The following STK32A variants were observed in gnomAD, a reference collection of about 807,000 sequenced individuals.
STK32A encodes serine/threonine-protein kinase 32A.
STK32A carries 41 observed loss-of-function variants against 53.2 expected under a neutral mutation model. The ratio of observed to expected loss-of-function variants is 0.77; its 90% CI spans 0.60 to 1.00. The LOEUF (loss-of-function observed/expected upper bound fraction) is 1.00, where lower values mean the gene tolerates loss of function less well. Among genes scored for constraint, STK32A ranks in the 50% least tolerant of loss-of-function variants. The probability of loss-of-function intolerance (pLI) is 0.00; values close to 1 mark genes in which losing one functional copy is unlikely to be tolerated. For missense variants in STK32A, 458 were observed against 485.8 expected (o/e 0.94, Z 0.54); for synonymous variants, 166 against 162.8 (o/e 1.02, Z -0.15).
intron 4 of STK32A, among the ~76,000 whole-genome samples, chr5:147,313,240 A>C (rs1753793257): frequency 6.6e-6 from 1 of 152,148 alleles, no homozygotes; most frequent in South Asian, 2.1e-4. Flanking sequence ...GTCTTAAAAA[A>C]CAAAACAAAA....
chr5:147,394,026 A>G, the STK32A span: 1 of 1,613,846 alleles, frequency 6.2e-7, no homozygotes, highest in South Asian at 1.1e-5. Flanking sequence ...CTCTTTGAGG[A>G]AGGCTTGCTT....
chr5:147,375,051 A>C (rs1757173996), intron 10 of STK32A, 39 bp from the exon 11 acceptor site: 2 of 1,563,294 alleles, frequency 1.3e-6, no homozygotes. Flanking sequence ...TCAGAATGAT[A>C]CAGTAATCTG....
Position 147,323,995 on chromosome 5 carries a change from G to A in STK32A, c.358G>A (p.Glu120Lys), listed in dbSNP as rs989134059. Residue 120 changes from glutamate to lysine, a missense_variant, in exon 5 of 13, where the codon GAA becomes AAA. By Grantham distance (56) the Glu-to-Lys change is moderately conservative. Transcript: ENST00000397936. ...CCTGCAACAGAACGTCCACTTCAAG[G>A]AAGAAACAGTGAAGCTCTTCATCTG... ...YHLQQNVHFKEETVKLFICEL... is the reference protein window; with the variant it reads ...YHLQQNVHFKKETVKLFICEL... 1.9e-6 allele frequency: 3 copies of A among 1,612,468 alleles called. No homozygotes were observed. The highest frequency in any genetic ancestry group is 3.3e-4 in the Middle Eastern group (2 of 6,060).
At chr5:147,274,291 A>C (rs533558767) in intron 2 of STK32A, among the ~76,000 whole-genome samples, 1 of 152,280 alleles carries the variant, frequency 6.6e-6, no homozygotes, top group South Asian at 2.1e-4. Context: ...ACCCTAGCCC[A>C]GCCCTGTCAG....
At chr5:147,283,731 T>C (rs916394367) in intron 4 of STK32A, among the ~76,000 whole-genome samples, 2 of 152,054 alleles carry the variant, frequency 1.3e-5, no homozygotes, top group Non-Finnish European at 2.9e-5. Flanking sequence ...ATAACTCTCC[T>C]AGCTTAAATC....
chr5:147,348,985 G>A (rs925111042), intron 6 of STK32A, among the ~76,000 whole-genome samples: 2 of 152,160 alleles, frequency 1.3e-5, no homozygotes, highest in Non-Finnish European at 2.9e-5. Flanking sequence ...TTGAAGCCAA[G>A]CAGTCTGACT....
chr5:147,330,039 T>C (rs1462086853), intron 5 of STK32A, among the ~76,000 whole-genome samples: 1 of 152,220 alleles, frequency 6.6e-6, no homozygotes, highest in Non-Finnish European at 1.5e-5. Flanking sequence ...TAGTTTTGTA[T>C]GCTGTGTAAC....
intron 5 of STK32A, among the ~76,000 whole-genome samples, chr5:147,335,824 C>T (rs1194104657): frequency 1.3e-5 from 2 of 151,944 alleles, no homozygotes; most frequent in African/African-American, 2.4e-5. Flanking sequence ...CATGCGTGCG[C>T]GTGTGTGCGC....
At chr5:147,286,612 A>G (rs62377725) in intron 4 of STK32A, among the ~76,000 whole-genome samples, 15,221 of 152,060 alleles carry the variant, frequency 0.1, 849 homozygotes, top group Admixed American at 0.14. Context: ...TCTCACTTTC[A>G]TCTTCATCCC....
intron 4 of STK32A, among the ~76,000 whole-genome samples, chr5:147,298,686 A>G (rs1752982902): frequency 2.0e-5 from 3 of 152,192 alleles, no homozygotes. Context: ...TTTTCAAGAG[A>G]AACTATATTC....
intron 4 of STK32A, among the ~76,000 whole-genome samples, chr5:147,291,928 A>T (rs1752618676): frequency 6.6e-6 from 1 of 152,196 alleles, no homozygotes; most frequent in African/African-American, 2.4e-5. Flanking sequence ...CGCATTTTTA[A>T]GTTGGCTTTG....
In STK32A at chr5:147,376,893, C is replaced by T. The variant is rs559342525; in HGVS notation, c.1032+1675C>T. ...TATGTGAACTGCAAATAGTTTCTCCCTTAGTCATTCTACGAAGCCAGCATT... is the reference window on the plus strand; with the variant it reads ...TATGTGAACTGCAAATAGTTTCTCCTTTAGTCATTCTACGAAGCCAGCATT... On this transcript the variant is annotated intron_variant, in intron 11 of 12. Coordinates refer to ENST00000397936, the MANE Select transcript of STK32A (RefSeq NM_001112724.2). Among the ~76,000 whole-genome samples, 3 of 152,214 alleles carry T rather than the reference C, an allele frequency of 2.0e-5. No individual in the cohort carries two copies. In the East Asian group the frequency reaches 5.8e-4, roughly 29 times the overall value.
chr5:147,255,836 C>G (rs1240366582), intron 2 of STK32A, among the ~76,000 whole-genome samples: 1 of 152,118 alleles, frequency 6.6e-6, no homozygotes, highest in African/African-American at 2.4e-5. Context: ...TGTCACTCAC[C>G]AAAATATTGA....
At chr5:147,332,481 T>A (rs935866771) in intron 5 of STK32A, among the ~76,000 whole-genome samples, 1 of 152,094 alleles carries the variant, frequency 6.6e-6, no homozygotes, top group Non-Finnish European at 1.5e-5. Context: ...AGTCTAAAAA[T>A]TATCTGATTA....
At chr5:147,340,431 T>C (rs1238754445) in intron 5 of STK32A, among the ~76,000 whole-genome samples, 2 of 152,160 alleles carry the variant, frequency 1.3e-5, no homozygotes, top group African/African-American at 4.8e-5. Context: ...TGTAAGTTAT[T>C]TCATATTTAT....
chr5:147,294,521 T>A (rs1561699982), intron 4 of STK32A, among the ~76,000 whole-genome samples: 1 of 152,182 alleles, frequency 6.6e-6, no homozygotes, highest in Non-Finnish European at 1.5e-5. Flanking sequence ...GGACAAAATC[T>A]ACTTTCCTTT....
chr5:147,259,551 T>A (rs115205381), intron 2 of STK32A, among the ~76,000 whole-genome samples: 11,443 of 151,958 alleles, frequency 0.075, 514 homozygotes, highest in Admixed American at 0.13. Context: ...CTTTTTTTTT[T>A]TTATTATTAT....
chr5:147,255,165 G>A (rs1754175456), intron 2 of STK32A, among the ~76,000 whole-genome samples: 1 of 152,088 alleles, frequency 6.6e-6, no homozygotes, highest in African/African-American at 2.4e-5. Flanking sequence ...AGAAGGCAAA[G>A]AATTGAACAT....
chr5:147,307,612 C>A (rs1383709790), intron 4 of STK32A, among the ~76,000 whole-genome samples: 1 of 135,816 alleles, frequency 7.4e-6, no homozygotes, highest in Non-Finnish European at 1.5e-5. Context: ...GCGACAGATC[C>A]AGACGCTGTC....
Sources: gnomAD v4.1 joint callset for allele counts (sites outside exome capture counted in the v4.1 genomes callset) on GRCh38, gnomAD v4.1.1 for gene constraint, MANE v1.5 for transcripts, NCBI Gene and HGNC (gene_info 2026-07-23, HGNC 2026-07-21) for gene names.